Variants in OSBP2 observed in about 807,000 individuals in gnomAD.
OSBP2 encodes the protein oxysterol binding protein 2.
In OSBP2, 66 loss-of-function variants were observed where a neutral mutation model predicts 96.0. That is an observed-to-expected ratio of 0.69 (90% CI 0.56 to 0.84). The LOEUF (loss-of-function observed/expected upper bound fraction) is 0.84, where lower values mean the gene tolerates loss of function less well. Ranked by LOEUF, OSBP2 falls within the 40% of genes least tolerant of loss-of-function variation. The pLI is 0.00. For synonymous variants in OSBP2, 525 were observed against 520.9 expected, an observed-to-expected ratio of 1.01 and a Z score of -0.11; for missense variants, 1,038 against 1,222.7, an observed-to-expected ratio of 0.85 and a Z score of 2.25.
intron 2 of OSBP2, among the ~76,000 whole-genome samples, chr22:30,779,325 T>C (rs1233068315): frequency 1.3e-5 from 2 of 150,342 alleles, no homozygotes; most frequent in Non-Finnish European, 3.0e-5. Context: ...GGTCTTGCAC[T>C]CCTGACCTCA....
chr22:30,895,270 GA>G (rs918225173), intron 12 of OSBP2, among the ~76,000 whole-genome samples: 25 of 150,016 alleles, frequency 1.7e-4, no homozygotes, highest in Non-Finnish European at 3.4e-4. Flanking sequence ...AGAAGAAGAA[GA>G]AAAAAAACAA....
At chr22:30,705,091 C>G (rs2089230948) in intron 1 of OSBP2, among the ~76,000 whole-genome samples, 1 of 152,152 alleles carries the variant, frequency 6.6e-6, no homozygotes, top group Non-Finnish European at 1.5e-5. Context: ...TGCAGGGTGT[C>G]AAACACATAG....
intron 3 of OSBP2, among the ~76,000 whole-genome samples, chr22:30,876,885 T>G (rs2039593640): frequency 6.6e-6 from 1 of 152,254 alleles, no homozygotes; most frequent in Non-Finnish European, 1.5e-5. Flanking sequence ...TGCTGCATTA[T>G]GGTAGAGAAA....
Position 30,875,615 on chromosome 22 carries a change from G to A in OSBP2, c.1107+4933G>A, listed in dbSNP as rs188615614. Among the ~76,000 whole-genome samples, 453 of 152,240 alleles carry A rather than the reference G, an allele frequency of 3.0e-3. 3 individuals are homozygous for A. The highest frequency in any genetic ancestry group is 0.02 in the Middle Eastern group (6 of 294). ...TCGAACTCCCGACTGCAGGTAATCC[G>A]CCTGCCTCGGCCTCCCAAAGTGCTG... On this transcript the variant is annotated intron_variant, in intron 3 of 13. Transcript: ENST00000332585.
intron 2 of OSBP2, chr22:30,764,537 G>GACCAAGCCCACTT: frequency 3.7e-6 from 1 of 268,150 alleles, no homozygotes; most frequent in Non-Finnish European, 5.7e-6. Context: ...GATGCAAGTG[G>GACCAAGCCCACTT]GCTTGGTCCA....
At chr22:30,836,700 G>A (rs1173995944) in intron 2 of OSBP2, among the ~76,000 whole-genome samples, 2 of 152,196 alleles carry the variant, frequency 1.3e-5, no homozygotes, top group Non-Finnish European at 2.9e-5. Context: ...CTGGTGGAGC[G>A]AGTGGGATGC....
chr22:30,764,121 AG>A, intron 2 of OSBP2: 1 of 399,062 alleles, frequency 2.5e-6, no homozygotes, highest in Non-Finnish European at 3.4e-6. Context: ...CTGGGGGGCT[AG>A]CCTAGCGCCT....
At chr22:30,717,441 A>G (rs996816800) in intron 1 of OSBP2, among the ~76,000 whole-genome samples, 19 of 152,178 alleles carry the variant, frequency 1.2e-4, no homozygotes, top group Non-Finnish European at 1.9e-4. Context: ...GGCCTTTTGA[A>G]AAACGCCTAC....
At chr22:30,864,354 C>A (rs1208470490) in intron 2 of OSBP2, among the ~76,000 whole-genome samples, 1 of 152,178 alleles carries the variant, frequency 6.6e-6, no homozygotes, top group Non-Finnish European at 1.5e-5. Context: ...CCTGAGGGCC[C>A]CAGGCACTGT....
At position 30,890,640 on chromosome 22, in the gene OSBP2, G is replaced by C; in HGVS notation, c.1624-88G>C. 2.1e-6 allele frequency: 3 copies of C among 1,458,524 alleles called. No individual in the cohort carries two copies. The highest frequency in any genetic ancestry group is 2.8e-6 in the Non-Finnish European group (3 of 1,062,016). The allele number at this position is 1,458,524 out of a possible 1,614,324, so 90.3% of individuals were successfully genotyped here. On this transcript the variant is annotated intron_variant, in intron 7 of 13. Transcript: ENST00000332585. This position sits in a 1 kb window ranked among gnomAD's most constrained non-coding sequence, Gnocchi z 4.4. ...CACTGTGAAGGTGCTGTCTGAGCAG[G>C]GATGTCCCTGAACATCCGAGAAAAG...
chr22:30,868,165 A>G (rs1445903548), intron 2 of OSBP2, among the ~76,000 whole-genome samples: 3 of 152,252 alleles, frequency 2.0e-5, no homozygotes, highest in Non-Finnish European at 2.9e-5. Context: ...AAGGTGTGGT[A>G]CACATCAGCC....
chr22:30,876,808 A>AG (rs1385299689), intron 3 of OSBP2, among the ~76,000 whole-genome samples: 1 of 152,126 alleles, frequency 6.6e-6, no homozygotes, highest in African/African-American at 2.4e-5. Flanking sequence ...ACCAAGGCTG[A>AG]GGGGCTCAGG....
chr22:30,756,338 T>A (rs1473588500), intron 2 of OSBP2, among the ~76,000 whole-genome samples: 3 of 152,074 alleles, frequency 2.0e-5, no homozygotes, highest in African/African-American at 7.2e-5. Flanking sequence ...CTGTGTCACT[T>A]ATAAGGTGGG....
intron 2 of OSBP2, among the ~76,000 whole-genome samples, chr22:30,746,292 C>G (rs1454575999): frequency 6.6e-6 from 1 of 151,928 alleles, no homozygotes; most frequent in African/African-American, 2.4e-5. Flanking sequence ...GGCATGATAG[C>G]ACATGCCTGT....
Position 30,741,185 on chromosome 22 carries a change from G to A in OSBP2, c.669G>A (p.Thr223=), listed in dbSNP as rs778205433. The change falls in exon 2 of 14, where the codon ACG becomes ACA. Residue 223 remains threonine (T), a synonymous_variant. Coordinates refer to ENST00000332585, the MANE Select transcript of OSBP2 (RefSeq NM_030758.4). ...GAAATCAGGGTGAAATGGCCCACACGTGCCGTGGAACCATCAACCTGTCCA... is the reference window on the plus strand; with the variant it reads ...GAAATCAGGGTGAAATGGCCCACACATGCCGTGGAACCATCAACCTGTCCA... ...YYRNQGEMAH[T]CRGTINLSTA... 73 of 1,614,010 alleles carry A rather than the reference G, an allele frequency of 4.5e-5. 1 individual carries two copies. The highest frequency in any genetic ancestry group is 1.9e-4 in the South Asian group (17 of 91,088).
At chr22:30,707,183 G>A (rs930923508) in intron 1 of OSBP2, among the ~76,000 whole-genome samples, 7 of 151,784 alleles carry the variant, frequency 4.6e-5, no homozygotes, top group South Asian at 2.1e-4. Flanking sequence ...TGCAACCTCC[G>A]CCTCCCGTGT....
intron 3 of OSBP2, among the ~76,000 whole-genome samples, chr22:30,886,874 T>C (rs1216692826): frequency 6.6e-6 from 1 of 152,044 alleles, no homozygotes; most frequent in East Asian, 1.9e-4. Flanking sequence ...CACGAGAGGG[T>C]TCTTGGATCT....
intron 1 of OSBP2, among the ~76,000 whole-genome samples, chr22:30,703,032 A>G (rs1371627152): frequency 6.6e-6 from 1 of 152,218 alleles, no homozygotes; most frequent in Non-Finnish European, 1.5e-5. Context: ...GTTTGCTGCA[A>G]TAAGTTAACT....
chr22:30,737,584 C>T (rs188564774), intron 1 of OSBP2, among the ~76,000 whole-genome samples: 4 of 152,158 alleles, frequency 2.6e-5, no homozygotes, highest in Admixed American at 2.6e-4. Flanking sequence ...CCACCTTGGC[C>T]TCCTAAATTG....
Sources: gnomAD v4.1 joint callset for allele counts (sites outside exome capture counted in the v4.1 genomes callset) on GRCh38, gnomAD v4.1.1 for gene constraint, Gnocchi (gnomAD v3.1) non-coding constraint, MANE v1.5 for transcripts, NCBI Gene and HGNC (gene_info 2026-07-23, HGNC 2026-07-21) for gene names.